The following PRKAA2 variants were observed in gnomAD, a reference collection of about 807,000 sequenced individuals.
The protein encoded by PRKAA2 is protein kinase AMP-activated catalytic subunit alpha 2.
A neutral mutation model predicts 56.3 loss-of-function variants in PRKAA2; 40 were observed. That is an observed-to-expected ratio of 0.71 (90% confidence interval 0.55 to 0.92). The LOEUF is 0.92. Ranked by LOEUF, PRKAA2 falls within the 40% of genes least tolerant of loss-of-function variation. PRKAA2 has a pLI of 0.00. For missense variants in PRKAA2, 542 were observed against 686.9 expected (o/e 0.79, Z 2.36); for synonymous variants, 214 against 234.2 (o/e 0.91, Z 0.79).
At chr1:56,658,875 G>A (rs1643969001) in intron 1 of PRKAA2, among the ~76,000 whole-genome samples, 1 of 151,906 alleles carries the variant, frequency 6.6e-6, no homozygotes, top group African/African-American at 2.4e-5. Context: ...CAGTAGCTGG[G>A]ACTCCAGGTA....
intron 1 of PRKAA2, among the ~76,000 whole-genome samples, chr1:56,658,925 G>A (rs973955224): frequency 1.3e-5 from 2 of 151,462 alleles, no homozygotes; most frequent in Admixed American, 6.6e-5. Context: ...TTCCTGAGTG[G>A]CTGGGACTAC....
chr1:56,679,834 C>T (rs911438636), intron 2 of PRKAA2, among the ~76,000 whole-genome samples: 1 of 152,142 alleles, frequency 6.6e-6, no homozygotes, highest in African/African-American at 2.4e-5. Flanking sequence ...ACCAACCCCT[C>T]CTCTTCCTCT....
At chr1:56,657,457 C>G (rs1643954436) in intron 1 of PRKAA2, among the ~76,000 whole-genome samples, 1 of 152,180 alleles carries the variant, frequency 6.6e-6, no homozygotes, top group Non-Finnish European at 1.5e-5. Context: ...GCGGGGATCA[C>G]CTGAGGTCAG....
At chr1:56,705,989 A>T in intron 7 of PRKAA2, 103 bp from the exon 8 acceptor site, 22 of 897,024 alleles carry the variant, frequency 2.5e-5, no homozygotes, top group Non-Finnish European at 3.6e-5. Flanking sequence ...AATTATTCGT[A>T]TTCCTTTCCT....
intron 1 of PRKAA2, among the ~76,000 whole-genome samples, chr1:56,658,700 C>T (rs911068109): frequency 2.7e-5 from 4 of 150,010 alleles, no homozygotes; most frequent in Non-Finnish European, 5.9e-5. Flanking sequence ...TAATCTCGAA[C>T]TCCTGGGCTC....
intron 7 of PRKAA2, 109 bp from the exon 8 acceptor site, chr1:56,705,983 A>C: frequency 1.1e-6 from 1 of 911,948 alleles, no homozygotes; most frequent in Non-Finnish European, 1.6e-6. Context: ...TAAAAAAATT[A>C]TTCGTATTCC....
intron 6 of PRKAA2, 59 bp from the exon 7 acceptor site, chr1:56,703,912 A>G (rs2100436844): frequency 6.7e-7 from 1 of 1,491,952 alleles, no homozygotes; most frequent in East Asian, 2.3e-5. Flanking sequence ...CCCTATGTCT[A>G]AATTATTTGG....
At position 56,674,405 on chromosome 1, in the gene PRKAA2, A is replaced by G; in HGVS notation, c.119A>G (p.His40Arg). 6.3e-7 allele frequency: 1 copy of G among 1,581,252 alleles called. No individual in the cohort carries two copies. The highest frequency in any genetic ancestry group is 8.6e-7 in the Non-Finnish European group (1 of 1,167,392). ...GTTGGAGAACATCAATTAACAGGCC[A>G]TAAAGTGGCAGTTAAAATCTTAAAT... ...VKIGEHQLTG[H>R]KVAVKILNRQ... The change falls in exon 2 of 9, where the codon CAT (histidine) becomes CGT (arginine). Residue 40 changes from histidine (H) to arginine (R), a missense_variant. Physicochemically the swap from His to Arg is conservative, Grantham distance 29. This residue lies in a region of PRKAA2 where 59 missense variants were observed against 53.9 expected (regional missense o/e 1.09). Coordinates refer to ENST00000371244, the MANE Select transcript of PRKAA2 (RefSeq NM_006252.4).
chr1:56,705,860 T>G (rs971709501), intron 7 of PRKAA2, among the ~76,000 whole-genome samples: 3 of 152,222 alleles, frequency 2.0e-5, no homozygotes, highest in Non-Finnish European at 4.4e-5. Flanking sequence ...TATCTTTCAC[T>G]TTTTTCTTCA....
chr1:56,653,200 G>A (rs1643915167), intron 1 of PRKAA2, among the ~76,000 whole-genome samples: 1 of 150,880 alleles, frequency 6.6e-6, no homozygotes, highest in African/African-American at 2.4e-5. Context: ...ATTAAAATCA[G>A]TTGAATTATT....
intron 2 of PRKAA2, among the ~76,000 whole-genome samples, chr1:56,689,783 T>C (rs1187144889): frequency 6.6e-6 from 1 of 152,110 alleles, no homozygotes; most frequent in Non-Finnish European, 1.5e-5. Context: ...AAATTGTGTA[T>C]AGGGGTGTAA....
intron 2 of PRKAA2, among the ~76,000 whole-genome samples, chr1:56,686,626 A>T (rs1644193017): frequency 6.6e-6 from 1 of 152,108 alleles, no homozygotes; most frequent in Non-Finnish European, 1.5e-5. Flanking sequence ...CAAGAGAGGA[A>T]GGAGGAAGAG....
At chr1:56,696,333 C>A (rs1164757998) in intron 6 of PRKAA2, among the ~76,000 whole-genome samples, 174 bp downstream of exon 6, 2 of 152,154 alleles carry the variant, frequency 1.3e-5, no homozygotes, top group African/African-American at 4.8e-5. Context: ...TTTATGCCTT[C>A]ATGTCTTTGT....
At chr1:56,667,038 C>G (rs1444807672) in intron 1 of PRKAA2, among the ~76,000 whole-genome samples, 1 of 152,134 alleles carries the variant, frequency 6.6e-6, no homozygotes, top group Non-Finnish European at 1.5e-5. Flanking sequence ...CCTGTAATTA[C>G]AGGGTATACA....
chr1:56,677,721 A>G (rs1334943830), intron 2 of PRKAA2, among the ~76,000 whole-genome samples: 1 of 149,588 alleles, frequency 6.7e-6, no homozygotes, highest in South Asian at 2.1e-4. Flanking sequence ...CAGTGGTGCA[A>G]TCTTGGCTCA....
chr1:56,651,530 A>G (rs191432484), intron 1 of PRKAA2, among the ~76,000 whole-genome samples: 18 of 152,332 alleles, frequency 1.2e-4, no homozygotes, highest in African/African-American at 4.1e-4. Context: ...TCTCTGCTCT[A>G]TGGACTGTAA....
In PRKAA2 at chr1:56,709,725, G is replaced by GA. The variant is rs1644357142; in HGVS notation, c.*2015dup. ...AATCCACAAAAATTTTGAAGGCAGA[G>GA]AAACAGAAGGAATCCAGTGATGTTT... On this transcript the variant is annotated 3_prime_UTR_variant, in exon 9 of 9. Transcript: ENST00000371244. The GA allele has an allele frequency of 6.6e-6, 1 of 152,096 alleles. No individual in the cohort carries two copies. The highest frequency in any genetic ancestry group is 1.5e-5 in the Non-Finnish European group (1 of 67,966). 9.4% of individuals were successfully genotyped at this position (152,096 alleles called of 1,614,324 possible).
chr1:56,667,108 G>A (rs1419233924), intron 1 of PRKAA2, among the ~76,000 whole-genome samples: 2 of 152,158 alleles, frequency 1.3e-5, no homozygotes, highest in Admixed American at 1.3e-4. Flanking sequence ...TTGGTCAAAA[G>A]CAATTAGTGG....
At chr1:56,687,314 G>A (rs185071765) in intron 2 of PRKAA2, among the ~76,000 whole-genome samples, 16 of 152,218 alleles carry the variant, frequency 1.1e-4, no homozygotes, top group East Asian at 3.9e-4. Flanking sequence ...TACATAGAGC[G>A]TGATACCTGG....
Sources: gnomAD v4.1 joint callset for allele counts (sites outside exome capture counted in the v4.1 genomes callset) on GRCh38, gnomAD v4.1.1 for gene constraint, gnomAD v4.1.1 regional missense constraint, MANE v1.5 for transcripts, NCBI Gene and HGNC (gene_info 2026-07-23, HGNC 2026-07-21) for gene names.